Variants in CNKSR2 observed in about 807,000 individuals in gnomAD.
The protein encoded by CNKSR2 is CNK homolog protein 2.
In CNKSR2, 14 loss-of-function variants were observed where a neutral mutation model predicts 84.4. That is an observed-to-expected ratio of 0.17 (90% CI 0.11 to 0.26). CNKSR2 has a LOEUF of 0.26. Among genes scored for constraint, CNKSR2 ranks in the 10% least tolerant of loss-of-function variants. The pLI, the probability that CNKSR2 is intolerant of heterozygous loss-of-function variation, is 1.00. For synonymous variants in CNKSR2, 275 were observed against 277.9 expected, an observed-to-expected ratio of 0.99 and a Z score of 0.10; for missense variants, 485 against 771.2, an observed-to-expected ratio of 0.63 and a Z score of 4.40.
intron 4 of CNKSR2, among the ~76,000 whole-genome samples, chrX:21,444,763 A>T (rs1047306006): frequency 1.6e-4 from 15 of 92,598 alleles, no homozygotes; most frequent in Non-Finnish European, 2.5e-4. Context: ...AATGTGATTT[A>T]AAAAAAAAAA....
At chrX:21,585,214 G>A (rs2092378765) in intron 13 of CNKSR2, among the ~76,000 whole-genome samples, 1 of 107,564 alleles carries the variant, frequency 9.3e-6, no homozygotes, top group South Asian at 4.0e-4. Flanking sequence ...CTGCACTCCA[G>A]CCTGGGTGAC....
rs369718515 is a variant in CNKSR2 at position 21,411,548 on chromosome X, G to A, written c.65-14949G>A. Among the ~76,000 whole-genome samples, 18 of 111,263 alleles carry A rather than the reference G, an allele frequency of 1.6e-4. 1 individual carries two copies. In the East Asian group the frequency reaches 4.0e-3, roughly 25 times the overall value. ...AGTCTGAACACAGCCTTCAGTCATG[G>A]TGGCCTTCTTTCAGTGCCTCATACT... On this transcript the variant is annotated intron_variant, in intron 1 of 21. Coordinates refer to ENST00000379510, the MANE Select transcript of CNKSR2 (RefSeq NM_014927.5).
At chrX:21,634,226 C>T (rs981358949) in intron 20 of CNKSR2, among the ~76,000 whole-genome samples, 2 of 111,621 alleles carry the variant, frequency 1.8e-5, no homozygotes, top group African/African-American at 6.5e-5. Flanking sequence ...TGTGAAAATA[C>T]CATGGATTAA....
At chrX:21,422,134 A>G (rs758737196) in intron 1 of CNKSR2, 104 of 111,551 alleles carry the variant, frequency 9.3e-4, no homozygotes, top group African/African-American at 3.4e-3. Context: ...TATCCATAGC[A>G]CTGCTCATAT....
At chrX:21,382,516 T>A (rs2089913190) in intron 1 of CNKSR2, among the ~76,000 whole-genome samples, 1 of 111,255 alleles carries the variant, frequency 9.0e-6, no homozygotes, top group African/African-American at 3.3e-5. Context: ...AAGAACTCTA[T>A]ATATCTTAGA....
chrX:21,408,865 A>G (rs1415093550), intron 1 of CNKSR2, among the ~76,000 whole-genome samples: 1 of 110,676 alleles, frequency 9.0e-6, no homozygotes, highest in Non-Finnish European at 1.9e-5. Flanking sequence ...ATGTAATCAC[A>G]GGAGAATCGT....
chrX:21,525,660 T>A (rs767453492), intron 9 of CNKSR2, among the ~76,000 whole-genome samples: 30 of 111,153 alleles, frequency 2.7e-4, no homozygotes, highest in Admixed American at 2.3e-3. Flanking sequence ...ATTGTATTTA[T>A]GCTTGGCTTT....
At chrX:21,398,260 T>G (rs1318035792) in intron 1 of CNKSR2, among the ~76,000 whole-genome samples, 3 of 112,096 alleles carry the variant, frequency 2.7e-5, no homozygotes, top group South Asian at 3.7e-4. Flanking sequence ...ACAAATACAT[T>G]AATAGATTTT....
intron 11 of CNKSR2, among the ~76,000 whole-genome samples, chrX:21,545,109 C>T (rs2092012558): frequency 9.0e-6 from 1 of 111,564 alleles, no homozygotes; most frequent in African/African-American, 3.3e-5. Flanking sequence ...CCCACCCCGA[C>T]AGAGCCCAGC....
At chrX:21,429,952 A>G (rs749989207) in intron 2 of CNKSR2, among the ~76,000 whole-genome samples, 9 of 112,059 alleles carry the variant, frequency 8.0e-5, no homozygotes, top group African/African-American at 1.3e-4. Flanking sequence ...TGAGAGATCA[A>G]TTAATCTCTT....
At chrX:21,606,967 C>A in intron 19 of CNKSR2, 88 bp downstream of exon 19, 2 of 462,797 alleles carry the variant, frequency 4.3e-6, no homozygotes, top group Non-Finnish European at 6.8e-6. Context: ...TAGTAGATTG[C>A]ATATCAAATT....
At chrX:21,480,354 A>G (rs1184059812) in intron 5 of CNKSR2, among the ~76,000 whole-genome samples, 1 of 112,141 alleles carries the variant, frequency 8.9e-6, no homozygotes, top group Non-Finnish European at 1.9e-5. Context: ...CCAGAAGCTT[A>G]TCTAATTATA....
At chrX:21,535,552 A>C (rs1394219085) in intron 11 of CNKSR2, among the ~76,000 whole-genome samples, 5 of 110,348 alleles carry the variant, frequency 4.5e-5, no homozygotes, top group Non-Finnish European at 9.5e-5. Flanking sequence ...AGTTTCTTTC[A>C]TCAGTGTTTT....
intron 20 of CNKSR2, among the ~76,000 whole-genome samples, chrX:21,626,600 A>G (rs1447859879): frequency 1.8e-5 from 2 of 112,216 alleles, no homozygotes; most frequent in South Asian, 7.5e-4. Flanking sequence ...AGGAAGATCT[A>G]ACAGATAGAA....
rs192322982 is a variant in CNKSR2 at position 21,468,470 on chromosome X, T to G, written c.520-2296T>G. The G allele has an allele frequency of 3.0e-4, 33 of 111,220 alleles. No individual in the cohort carries two copies. In the Admixed American group the frequency reaches 3.0e-3, roughly 10 times the overall value. The allele number at this position is 111,220 out of a possible 1,213,427, so 9.2% of individuals were successfully genotyped here. A position where few individuals can be genotyped will look rare whatever the true frequency, so the allele number is the denominator to read the frequency against. Reference sequence around the variant, plus strand: ...CTTCATGTTGAGTCCTGAGTCCTACTAAAACAGGAGCCAACTCCTGTGTAG... The same window carrying G: ...CTTCATGTTGAGTCCTGAGTCCTACGAAAACAGGAGCCAACTCCTGTGTAG... On this transcript the variant is annotated intron_variant, in intron 4 of 21. Coordinates refer to ENST00000379510, the MANE Select transcript of CNKSR2 (RefSeq NM_014927.5).
intron 11 of CNKSR2, among the ~76,000 whole-genome samples, chrX:21,535,467 G>A (rs988362402): frequency 2.7e-5 from 3 of 111,321 alleles, no homozygotes; most frequent in Admixed American, 9.5e-5. Context: ...GCTTTGGGTA[G>A]TATAGTCATT....
At chrX:21,562,664 G>A (rs1274432795) in intron 12 of CNKSR2, among the ~76,000 whole-genome samples, 1 of 111,304 alleles carries the variant, frequency 9.0e-6, no homozygotes, top group Non-Finnish European at 1.9e-5. Flanking sequence ...ACTGTTTTGG[G>A]ACTTCATATT....
chrX:21,610,567 A>G (rs1022086797), intron 20 of CNKSR2, among the ~76,000 whole-genome samples: 6 of 112,592 alleles, frequency 5.3e-5, no homozygotes, highest in Non-Finnish European at 7.5e-5. Flanking sequence ...GTCTGGGCCA[A>G]TTAGCGCAGA....
intron 11 of CNKSR2, among the ~76,000 whole-genome samples, chrX:21,537,608 T>C (rs2091940201): frequency 9.0e-6 from 1 of 111,646 alleles, no homozygotes; most frequent in South Asian, 3.7e-4. Flanking sequence ...CCTTTGTCAT[T>C]ATATAATGAC....
Sources: gnomAD v4.1 joint callset for allele counts (sites outside exome capture counted in the v4.1 genomes callset) on GRCh38, gnomAD v4.1.1 for gene constraint, MANE v1.5 for transcripts, NCBI Gene and HGNC (gene_info 2026-07-23, HGNC 2026-07-21) for gene names.